KCNC2: variants seen among roughly 807,000 people sequenced by gnomAD.
The protein encoded by KCNC2 is potassium voltage-gated channel subfamily C member 2, also known as voltage-gated potassium channel KCNC2.
A neutral mutation model predicts 44.5 loss-of-function variants in KCNC2; 21 were observed. That is an observed-to-expected ratio of 0.47 (90% CI 0.33 to 0.68). KCNC2 has a LOEUF of 0.68. Among genes scored for constraint, KCNC2 ranks in the 30% least tolerant of loss-of-function variants. The pLI is 0.01. For missense variants in KCNC2, 589 were observed against 826.2 expected (o/e 0.71, Z 3.52); for synonymous variants, 391 against 339.1 (o/e 1.15, Z -1.68).
intron 2 of KCNC2, among the ~76,000 whole-genome samples, chr12:75,086,680 AAATAT>A (rs1885052524): frequency 6.4e-5 from 2 of 31,338 alleles, no homozygotes; most frequent in South Asian, 1.2e-3. Flanking sequence ...AAAAAAAAAA[AAATAT>A]ATATATATAT....
intron 2 of KCNC2, among the ~76,000 whole-genome samples, chr12:75,067,008 GC>G (rs1882898146): frequency 6.6e-6 from 1 of 152,094 alleles, no homozygotes; most frequent in Non-Finnish European, 1.5e-5. Context: ...TTCGAGACCA[GC>G]CTGGGCTACA....
At chr12:75,167,958 C>A (rs1891567733) in intron 2 of KCNC2, among the ~76,000 whole-genome samples, 1 of 151,150 alleles carries the variant, frequency 6.6e-6, no homozygotes, top group Admixed American at 6.6e-5. Context: ...TGCATTTTAT[C>A]TTCTATATTT....
intron 2 of KCNC2, among the ~76,000 whole-genome samples, chr12:75,175,524 G>A (rs1892124292): frequency 6.6e-6 from 1 of 151,884 alleles, no homozygotes; most frequent in Non-Finnish European, 1.5e-5. Context: ...GGGTACAAGG[G>A]ACTATTTCTG....
At position 75,085,331 on chromosome 12, in the gene KCNC2, C is replaced by T. The variant is rs565033086; in HGVS notation, c.688-34014G>A. Among the ~76,000 whole-genome samples the T allele has an allele frequency of 3.9e-5, 6 of 151,984 alleles. No homozygotes were observed. The South Asian group carries it at 1.2e-3, about 32-fold the overall frequency. The stretch of plus-strand genomic sequence containing the variant: ...TCCACCACTACTATTATCATCACTA[C>T]CATTACTTTGAAAAGGAAGAAGAGA... On this transcript the variant is annotated intron_variant, in intron 2 of 4. Coordinates refer to ENST00000549446, the MANE Select transcript of KCNC2 (RefSeq NM_139137.4).
chr12:75,167,167 A>G (rs2137557347), intron 2 of KCNC2, among the ~76,000 whole-genome samples: 1 of 151,470 alleles, frequency 6.6e-6, no homozygotes, highest in South Asian at 2.1e-4. Context: ...ATATACTGAC[A>G]AATTAAATAA....
In KCNC2 at chr12:75,040,853, T is replaced by C. The variant is rs1370556774; in HGVS notation, c.*2252A>G. On this transcript the variant is annotated 3_prime_UTR_variant, in exon 5 of 5. Coordinates refer to ENST00000549446, the MANE Select transcript of KCNC2 (RefSeq NM_139137.4). ...GCCCATGAAGAGTAATTCAAAGAAG[T>C]GTGGGCCTTACTTGAAACTTCAGAG... 4.2e-6 allele frequency: 2 copies of C among 477,888 alleles called. No homozygotes were observed. The highest frequency in any genetic ancestry group is 1.9e-5 in the African/African-American group (1 of 51,706). 29.6% of individuals were successfully genotyped at this position (477,888 alleles called of 1,614,324 possible). A position where few individuals can be genotyped will look rare whatever the true frequency, so the allele number is the denominator to read the frequency against.
intron 4 of KCNC2, among the ~76,000 whole-genome samples, chr12:75,047,939 A>T (rs1186194210): frequency 6.6e-6 from 1 of 152,092 alleles, no homozygotes; most frequent in Non-Finnish European, 1.5e-5. Flanking sequence ...AGAAGAGAGA[A>T]AAAAGGATGA....
In KCNC2 at chr12:75,207,130, G is replaced by A. The variant is rs1171623891; in HGVS notation, c.687+167C>T. Among the ~76,000 whole-genome samples, 1 of 152,144 alleles carries A rather than the reference G, an allele frequency of 6.6e-6. No homozygotes were observed. Among genetic ancestry groups the A allele is most frequent in the Non-Finnish European group, 1.5e-5 (1 of 68,014 alleles). On this transcript the variant is annotated intron_variant, in intron 2 of 4. Coordinates refer to ENST00000549446, the MANE Select transcript of KCNC2 (RefSeq NM_139137.4). The surrounding 1 kb of genome is among the most constrained non-coding windows in gnomAD (Gnocchi z 4.1). ...GGACTGGGTAGGGATGGTGGCCGGG[G>A]TCCCTGGGTTTACCCTGCAAAGGAT...
intron 2 of KCNC2, among the ~76,000 whole-genome samples, chr12:75,116,304 C>T (rs1887657016): frequency 6.6e-6 from 1 of 152,076 alleles, no homozygotes; most frequent in South Asian, 2.1e-4. Context: ...ATCTCATACT[C>T]TGCCTCAAAG....
rs145125758 is a variant in KCNC2, at chr12:75,204,519, T to C, written c.687+2778A>G. ...GGAAATTTAGAGAGTTAAAATTTTT[T>C]GTGTCAAATATTTCAATGAAAGATG... is the stretch of plus-strand genomic sequence containing the variant. On this transcript the variant is annotated intron_variant, in intron 2 of 4. Coordinates refer to ENST00000549446, the MANE Select transcript of KCNC2 (RefSeq NM_139137.4). Among the ~76,000 whole-genome samples, 568 of 152,192 alleles carry C rather than the reference T, an allele frequency of 3.7e-3. 1 individual carries two copies. The highest frequency in any genetic ancestry group is 0.013 in the African/African-American group (534 of 41,570).
chr12:75,141,248 T>C (rs1297144213), intron 2 of KCNC2, among the ~76,000 whole-genome samples: 5 of 152,206 alleles, frequency 3.3e-5, no homozygotes, highest in Admixed American at 2.6e-4. Context: ...CTCTCAACAA[T>C]GTCAATACCC....
intron 2 of KCNC2, among the ~76,000 whole-genome samples, chr12:75,136,672 T>C (rs540680859): frequency 5.7e-4 from 87 of 152,132 alleles, no homozygotes; most frequent in African/African-American, 2.1e-3. Flanking sequence ...ATAGAATCAG[T>C]AATAAAAATC....
At chr12:75,099,579 T>C (rs1419875228) in intron 2 of KCNC2, among the ~76,000 whole-genome samples, 6 of 152,196 alleles carry the variant, frequency 3.9e-5, no homozygotes, top group African/African-American at 1.4e-4. Context: ...TATGCAAACA[T>C]ATGGTGTTTA....
intron 2 of KCNC2, among the ~76,000 whole-genome samples, chr12:75,182,540 A>G (rs1227508346): frequency 6.8e-6 from 1 of 147,622 alleles, no homozygotes; most frequent in Non-Finnish European, 1.5e-5. Flanking sequence ...AAAAAAAACA[A>G]AAAAAACAAA....
At chr12:75,074,231 GA>G (rs1883696228) in intron 2 of KCNC2, among the ~76,000 whole-genome samples, 1 of 114,586 alleles carries the variant, frequency 8.7e-6, no homozygotes, top group East Asian at 2.5e-4. Flanking sequence ...ACTACTCATA[GA>G]TTTTTTTTTT....
chr12:75,128,071 T>A (rs1888563582), intron 2 of KCNC2, among the ~76,000 whole-genome samples: 1 of 152,076 alleles, frequency 6.6e-6, no homozygotes, highest in Non-Finnish European at 1.5e-5. Flanking sequence ...TGAAAAATAA[T>A]AACTCAAATT....
intron 2 of KCNC2, among the ~76,000 whole-genome samples, chr12:75,059,767 C>A (rs1164111676): frequency 6.6e-6 from 1 of 152,034 alleles, no homozygotes; most frequent in African/African-American, 2.4e-5. Context: ...TATGACTATG[C>A]ATTTACTATG....
At chr12:75,160,137 A>C (rs974852549) in intron 2 of KCNC2, among the ~76,000 whole-genome samples, 3 of 151,824 alleles carry the variant, frequency 2.0e-5, no homozygotes, top group Admixed American at 6.6e-5. Context: ...AATTAAGTTC[A>C]AACAGAATTG....
In KCNC2 at chr12:75,095,689, G is replaced by T. The variant is rs150597828; in HGVS notation, c.688-44372C>A. 3.0e-3 allele frequency among the ~76,000 whole-genome samples: 452 copies of T among 151,812 alleles called. 2 individuals are homozygous for T. Among genetic ancestry groups the T allele is most frequent in the African/African-American group, 0.01 (418 of 41,486 alleles). On this transcript the variant is annotated intron_variant, in intron 2 of 4. Coordinates refer to ENST00000549446, the MANE Select transcript of KCNC2 (RefSeq NM_139137.4). Reference sequence around the variant, plus strand: ...ACTCTGGTCTCTTCTTGTTAAATTGGGTGAACAGCTCTTCCTTTTATCTAA... The same window carrying T: ...ACTCTGGTCTCTTCTTGTTAAATTGTGTGAACAGCTCTTCCTTTTATCTAA...
Sources: allele counts gnomAD v4.1 joint callset (sites outside exome capture counted in the v4.1 genomes callset), GRCh38; gene constraint gnomAD v4.1.1; non-coding constraint Gnocchi (gnomAD v3.1); transcripts MANE v1.5; gene names NCBI Gene and HGNC (gene_info 2026-07-23, HGNC 2026-07-21).